The following ASCC3 variants were observed in gnomAD, a reference collection of about 807,000 sequenced individuals.
ASCC3 encodes ASC-1 complex subunit P200.
Under a neutral mutation model 256.3 loss-of-function variants are expected in ASCC3, and 158 were observed. The ratio of observed to expected loss-of-function variants is 0.62; its 90% CI spans 0.54 to 0.70. The LOEUF (loss-of-function observed/expected upper bound fraction) is 0.70, where lower values mean the gene tolerates loss of function less well. Among genes scored for constraint, ASCC3 ranks in the 30% least tolerant of loss-of-function variants. The pLI, the probability that ASCC3 is intolerant of heterozygous loss-of-function variation, is 0.00. For synonymous variants in ASCC3, 948 were observed against 883.4 expected (o/e 1.07, Z -1.30); for missense variants, 2,259 against 2,626.0 (o/e 0.86, Z 3.05).
intron 3 of ASCC3, among the ~76,000 whole-genome samples, chr6:100,861,915 C>A (rs556323095): frequency 6.6e-6 from 1 of 152,090 alleles, no homozygotes; most frequent in East Asian, 1.9e-4. Flanking sequence ...TCTTAAATTC[C>A]ACCTTATTTA....
chr6:100,614,769 AAAT>A (rs1286302120), intron 30 of ASCC3, among the ~76,000 whole-genome samples: 1 of 152,226 alleles, frequency 6.6e-6, no homozygotes, highest in African/African-American at 2.4e-5. Context: ...GTAAGATTTG[AAAT>A]AATGAGTAAT....
intron 13 of ASCC3, among the ~76,000 whole-genome samples, chr6:100,697,135 C>A (rs2114992900): frequency 6.6e-6 from 1 of 152,056 alleles, no homozygotes; most frequent in South Asian, 2.1e-4. Flanking sequence ...TGGCTACATG[C>A]ACATAAAGCA....
At chr6:100,574,433 G>A (rs1770755588) in intron 36 of ASCC3, among the ~76,000 whole-genome samples, 1 of 152,072 alleles carries the variant, frequency 6.6e-6, no homozygotes, top group African/African-American at 2.4e-5. Flanking sequence ...TCCCTGTTGG[G>A]AGCTGAGTTT....
At chr6:100,524,201 G>A (rs908976769) in intron 37 of ASCC3, among the ~76,000 whole-genome samples, 1 of 151,908 alleles carries the variant, frequency 6.6e-6, no homozygotes, top group Non-Finnish European at 1.5e-5. Flanking sequence ...ATTCTGTCTT[G>A]CTTCAAAAAG....
intron 36 of ASCC3, among the ~76,000 whole-genome samples, chr6:100,583,372 G>GT (rs1200072932): frequency 4.6e-5 from 7 of 152,096 alleles, no homozygotes; most frequent in African/African-American, 1.4e-4. Context: ...GTTTATTTGC[G>GT]TAGAGGTGTT....
At chr6:100,531,279 C>T (rs1172668372) in intron 37 of ASCC3, among the ~76,000 whole-genome samples, 1 of 152,146 alleles carries the variant, frequency 6.6e-6, no homozygotes, top group Non-Finnish European at 1.5e-5. Context: ...ATAATTCCAA[C>T]ATTGTGGATT....
Position 100,562,588 on chromosome 6 carries a change from A to C in ASCC3, c.5551-22201T>G, listed in dbSNP as rs545987190. On this transcript the variant is annotated intron_variant, in intron 36 of 41. Transcript: ENST00000369162. ...TTTTTCCCACTGATTCCCTTTCAAG[A>C]ACGTAAGTTTATGTTTTGGTGGTTA... Among the ~76,000 whole-genome samples, 5 of 152,232 alleles carry C rather than the reference A, an allele frequency of 3.3e-5. No homozygotes were observed. The South Asian group carries it at 1.0e-3, about 32-fold the overall frequency.
At chr6:100,736,363 G>T (rs753967262) in intron 10 of ASCC3, among the ~76,000 whole-genome samples, 7 of 152,052 alleles carry the variant, frequency 4.6e-5, no homozygotes, top group African/African-American at 1.7e-4. Flanking sequence ...TTAGCTGGGC[G>T]TGGTGGCACA....
At chr6:100,572,338 T>C (rs1174675005) in intron 36 of ASCC3, among the ~76,000 whole-genome samples, 1 of 152,158 alleles carries the variant, frequency 6.6e-6, no homozygotes, top group East Asian at 1.9e-4. Flanking sequence ...AAACACTGAA[T>C]CTGCTGATTC....
At position 100,608,267 on chromosome 6, in the gene ASCC3, ATATATATACTT is replaced by A. The variant is rs1388981505; in HGVS notation, c.4786-1190_4786-1180del. On this transcript the variant is annotated intron_variant, in intron 30 of 41. Coordinates refer to ENST00000369162, the MANE Select transcript of ASCC3 (RefSeq NM_006828.4). ...TATATATATACTTTATATATACTTT[ATATATATACTT>A]TATATATACTTTATATATACCTTAT... 7.4e-5 allele frequency among the ~76,000 whole-genome samples: 5 copies of A among 67,756 alleles called. No individual in the cohort carries two copies. The East Asian group carries it at 2.1e-3, about 29-fold the overall frequency. The allele number at this position is 67,756 out of a possible 152,430, so 44.5% of individuals were successfully genotyped here. A position where few individuals can be genotyped will look rare whatever the true frequency, so the allele number is the denominator to read the frequency against.
chr6:100,842,535 A>G (rs1450920500), intron 4 of ASCC3, among the ~76,000 whole-genome samples: 4 of 152,226 alleles, frequency 2.6e-5, no homozygotes, highest in African/African-American at 9.6e-5. Flanking sequence ...GCTGTCTTCT[A>G]TTAAGCCAAA....
At chr6:100,583,579 C>T (rs1413200029) in intron 36 of ASCC3, among the ~76,000 whole-genome samples, 2 of 152,148 alleles carry the variant, frequency 1.3e-5, no homozygotes, top group Non-Finnish European at 2.9e-5. Flanking sequence ...TTTTGTGTCT[C>T]TATTTCCTTG....
At chr6:100,704,011 T>C (rs982206802) in intron 13 of ASCC3, among the ~76,000 whole-genome samples, 4 of 151,188 alleles carry the variant, frequency 2.6e-5, no homozygotes, top group African/African-American at 9.7e-5. Flanking sequence ...TAATATTAAC[T>C]TAAAAGTAAA....
chr6:100,784,670 T>C (rs1782608193), intron 8 of ASCC3, among the ~76,000 whole-genome samples: 1 of 152,042 alleles, frequency 6.6e-6, no homozygotes, highest in Admixed American at 6.6e-5. Flanking sequence ...TGGAAAGATA[T>C]ATATCAAAGA....
chr6:100,532,666 C>G (rs1162094078), intron 37 of ASCC3, among the ~76,000 whole-genome samples: 1 of 151,650 alleles, frequency 6.6e-6, no homozygotes, highest in African/African-American at 2.4e-5. Context: ...TTCAGAATAG[C>G]AGTACATTTT....
At chr6:100,628,084 ACAAAAAC>A (rs1260895493) in intron 27 of ASCC3, 97 bp from the exon 28 acceptor site, 1,721 of 1,270,512 alleles carry the variant, frequency 1.4e-3, no homozygotes, top group Non-Finnish European at 1.7e-3. Flanking sequence ...TCCTCAAAAA[ACAAAAAC>A]AAAAAAAAAA....
chr6:100,512,937 GAAAC>G lies in ASCC3; in HGVS notation c.6076-23_6076-20del, dbSNP rs1562084112. 2.5e-6 allele frequency: 4 copies of G among 1,604,982 alleles called. No individual in the cohort carries two copies. Among genetic ancestry groups the G allele is most frequent in the East Asian group, 2.2e-5 (1 of 44,798 alleles). On this transcript the variant is annotated intron_variant, in intron 39 of 41. Transcript: ENST00000369162. Reference sequence around the variant, plus strand: ...TCCATGCCTAAATAAAAAGAGAAAAGAAACAATAAAGGAGGAGTTTATGTGAAAT... The same window carrying G: ...TCCATGCCTAAATAAAAAGAGAAAAGAATAAAGGAGGAGTTTATGTGAAAT...
chr6:100,637,974 AG>A (rs2114882089), intron 25 of ASCC3, among the ~76,000 whole-genome samples: 1 of 152,360 alleles, frequency 6.6e-6, no homozygotes, highest in South Asian at 2.1e-4. Flanking sequence ...AACTTAGTTC[AG>A]AAAGCAGTGG....
intron 39 of ASCC3, among the ~76,000 whole-genome samples, chr6:100,513,708 C>T (rs1304715795): frequency 6.6e-6 from 1 of 152,080 alleles, no homozygotes; most frequent in Non-Finnish European, 1.5e-5. Context: ...TTTTACCTAA[C>T]TTTATACTTG....
Sources: gnomAD v4.1 joint callset for allele counts (sites outside exome capture counted in the v4.1 genomes callset) on GRCh38, gnomAD v4.1.1 for gene constraint, MANE v1.5 for transcripts, NCBI Gene and HGNC (gene_info 2026-07-23, HGNC 2026-07-21) for gene names.